The following CTBP2 variants were observed in gnomAD, a reference collection of about 807,000 sequenced individuals.
The protein encoded by CTBP2 is C-terminal binding protein 2.
Under a neutral mutation model 80.3 loss-of-function variants are expected in CTBP2, and 30 were observed. The ratio of observed to expected loss-of-function variants is 0.37; its 90% CI spans 0.28 to 0.51. CTBP2 has a LOEUF of 0.51. Among genes scored for constraint, CTBP2 ranks in the 20% least tolerant of loss-of-function variants. CTBP2 has a pLI of 0.93. For synonymous variants in CTBP2, 594 were observed against 587.4 expected (o/e 1.01, Z -0.16); for missense variants, 1,212 against 1,375.3 (o/e 0.88, Z 1.88).
chr10:125,005,439 A>G, intron 1 of CTBP2: 1 of 1,101,936 alleles, frequency 9.1e-7, no homozygotes, highest in Non-Finnish European at 1.3e-6. Flanking sequence ...GTCCCCAAAC[A>G]GGGTGTCCGC....
intron 1 of CTBP2, among the ~76,000 whole-genome samples, chr10:125,010,854 G>A (rs1955813848): frequency 6.6e-6 from 1 of 152,176 alleles, no homozygotes. Flanking sequence ...AGCAGCTATA[G>A]GGATTATCCT....
chr10:125,008,538 G>A (rs971761154), intron 1 of CTBP2, among the ~76,000 whole-genome samples: 5 of 152,228 alleles, frequency 3.3e-5, no homozygotes, highest in East Asian at 1.9e-4. Context: ...GGAATTTGCC[G>A]GGTGCCGTCA....
chr10:124,996,233 C>G (rs1286037326), intron 4 of CTBP2: 1 of 151,994 alleles, frequency 6.6e-6, no homozygotes, highest in African/African-American at 2.4e-5. Flanking sequence ...AAGCGCAGCT[C>G]CCACAGGCTG....
intron 2 of CTBP2, among the ~76,000 whole-genome samples, chr10:125,040,913 T>C (rs1297434457): frequency 2.0e-5 from 3 of 152,216 alleles, no homozygotes; most frequent in Non-Finnish European, 4.4e-5. Flanking sequence ...ACATAAATAA[T>C]TAATGTAACA....
intron 1 of CTBP2, among the ~76,000 whole-genome samples, chr10:125,017,796 C>T (rs371210422): frequency 1.3e-5 from 2 of 152,180 alleles, no homozygotes; most frequent in Non-Finnish European, 2.9e-5. Flanking sequence ...AGCAGGTGCT[C>T]GTGGAGCCAG....
Position 124,991,691 on chromosome 10 carries a change from C to T in CTBP2, c.2777+1004G>A, listed in dbSNP as rs186073850. Among the ~76,000 whole-genome samples, 368 of 152,164 alleles carry T rather than the reference C, an allele frequency of 2.4e-3. 1 individual carries two copies. The highest frequency in any genetic ancestry group is 7.4e-3 in the African/African-American group (308 of 41,518). On this transcript the variant is annotated intron_variant, in intron 8 of 8. Transcript: ENST00000309035. ...TCCCGTGGGTAGAGGCCAGGGATGC[C>T]GCTGAACGTCCTACAATGCACAGGA...
At chr10:125,108,219 G>A (rs1199510186) in intron 2 of CTBP2, among the ~76,000 whole-genome samples, 1 of 152,234 alleles carries the variant, frequency 6.6e-6, no homozygotes, top group African/African-American at 2.4e-5. Context: ...CTTGTCAGGA[G>A]AAGGCTGAAG....
At chr10:125,003,798 G>A (rs868252797) in intron 1 of CTBP2, among the ~76,000 whole-genome samples, 19 of 152,226 alleles carry the variant, frequency 1.2e-4, no homozygotes, top group Middle Eastern at 6.8e-3. Context: ...AGCACAGGAC[G>A]GGTCCCTGCA....
chr10:124,994,081 T>C, intron 5 of CTBP2, 96 bp from the exon 8 acceptor site: 1 of 1,524,946 alleles, frequency 6.6e-7, no homozygotes. Context: ...CTAGTTTTGT[T>C]GGTCTGGTGG....
chr10:125,022,129 C>T (rs928021491), intron 1 of CTBP2, among the ~76,000 whole-genome samples: 1 of 152,218 alleles, frequency 6.6e-6, no homozygotes, highest in African/African-American at 2.4e-5. Flanking sequence ...CCGGCCTGGG[C>T]GGTGGCCTCT....
intron 1 of CTBP2, among the ~76,000 whole-genome samples, chr10:125,021,203 G>T (rs533790680): frequency 4.5e-4 from 68 of 152,288 alleles, no homozygotes; most frequent in African/African-American, 1.6e-3. Context: ...GCCATTCCCC[G>T]CTGAGGCCAG....
chr10:125,070,228 G>A (rs899542832), intron 2 of CTBP2, among the ~76,000 whole-genome samples: 44 of 152,146 alleles, frequency 2.9e-4, no homozygotes, highest in African/African-American at 9.9e-4. Flanking sequence ...GCACGTGCCT[G>A]CAGGCCCAGA....
Position 125,027,346 on chromosome 10 carries a change from GCTGGGGACCGGCCGGCTGA to G in CTBP2, c.395_413del (p.Val132AlafsTer35), listed in dbSNP as rs1379972000. 8 of 1,613,612 alleles carry G rather than the reference GCTGGGGACCGGCCGGCTGA, an allele frequency of 5.0e-6. No homozygotes were observed. The highest frequency in any genetic ancestry group is 5.1e-6 in the Non-Finnish European group (6 of 1,180,016). Reference sequence around the variant, plus strand: ...ACGTTCTGCTGCCAAGCACTCCGTAGCTGGGGACCGGCCGGCTGACTCCTGGGTCCCGATAGAGGGGAGG... The same window carrying G: ...ACGTTCTGCTGCCAAGCACTCCGTAGCTCCTGGGTCCCGATAGAGGGGAGG... On this transcript the variant is annotated frameshift_variant, in exon 1 of 9. Coordinates refer to ENST00000309035, the MANE Select transcript of CTBP2 (RefSeq NM_022802.3). LOFTEE classifies it high-confidence loss of function.
At chr10:125,151,991 G>A (rs1481309756) in intron 1 of CTBP2, among the ~76,000 whole-genome samples, 1 of 152,168 alleles carries the variant, frequency 6.6e-6, no homozygotes, top group East Asian at 1.9e-4. Flanking sequence ...CCATTTACAA[G>A]TGTAAAGGCG....
chr10:125,008,285 G>C (rs1185370202), intron 1 of CTBP2, among the ~76,000 whole-genome samples: 1 of 152,148 alleles, frequency 6.6e-6, no homozygotes, highest in Admixed American at 6.5e-5. Context: ...TAGATTTTAT[G>C]GAAGTTTCCT....
At chr10:125,029,100 A>G (rs1039819582), upstream of CTBP2, among the ~76,000 whole-genome samples, 5 of 152,222 alleles carry the variant, frequency 3.3e-5, no homozygotes, top group African/African-American at 1.2e-4. Context: ...TATACATTGA[A>G]AGCACTTTAA....
chr10:125,097,824 C>T (rs548235934), intron 2 of CTBP2, among the ~76,000 whole-genome samples: 90 of 152,126 alleles, frequency 5.9e-4, no homozygotes, highest in African/African-American at 2.1e-3. Context: ...CAAAAAAGGC[C>T]GACGAGGCTG....
intron 1 of CTBP2, among the ~76,000 whole-genome samples, chr10:125,138,434 G>A (rs1160990592): frequency 6.6e-6 from 1 of 152,120 alleles, no homozygotes; most frequent in African/African-American, 2.4e-5. Context: ...ACACATCCGC[G>A]TTTGGTGGGG....
At chr10:125,061,930 A>T (rs920356338) in intron 2 of CTBP2, among the ~76,000 whole-genome samples, 1 of 152,190 alleles carries the variant, frequency 6.6e-6, no homozygotes, top group African/African-American at 2.4e-5. Flanking sequence ...TCCTCATCTA[A>T]AATGACTAAA....
Sources: gnomAD v4.1 joint callset for allele counts (sites outside exome capture counted in the v4.1 genomes callset) on GRCh38, gnomAD v4.1.1 for gene constraint, MANE v1.5 for transcripts, NCBI Gene and HGNC (gene_info 2026-07-23, HGNC 2026-07-21) for gene names.